SYT16: variants seen among roughly 807,000 people sequenced by gnomAD.
SYT16 encodes the protein synaptotagmin-16.
In SYT16, 42 loss-of-function variants were observed where a neutral mutation model predicts 61.4. That is an observed-to-expected ratio of 0.68 (90% CI 0.53 to 0.89). The LOEUF is 0.89. SYT16 is among the 40% of genes least tolerant of loss of function. The pLI is 0.00. For synonymous variants in SYT16, 314 were observed against 302.3 expected, an observed-to-expected ratio of 1.04 and a Z score of -0.40; for missense variants, 804 against 807.3, an observed-to-expected ratio of 1.00 and a Z score of 0.05.
At chr14:61,984,759 A>G (rs897925132) in intron 2 of SYT16, among the ~76,000 whole-genome samples, 1 of 152,196 alleles carries the variant, frequency 6.6e-6, no homozygotes, top group Admixed American at 6.6e-5. Context: ...AACTGAATAG[A>G]TACAATCTGT....
intron 3 of SYT16, among the ~76,000 whole-genome samples, chr14:62,014,351 T>G (rs2053582839): frequency 6.6e-6 from 1 of 152,154 alleles, no homozygotes; most frequent in African/African-American, 2.4e-5. Context: ...GCCTATATTT[T>G]GTTCAGTATA....
At chr14:61,907,397 C>T (rs1374149730) in intron 1 of SYT16, among the ~76,000 whole-genome samples, 1 of 152,144 alleles carries the variant, frequency 6.6e-6, no homozygotes, top group African/African-American at 2.4e-5. Context: ...CAAATTACCC[C>T]ACAAGTTGGC....
chr14:62,084,774 T>TA (rs1211391307), intron 7 of SYT16, among the ~76,000 whole-genome samples: 1 of 152,222 alleles, frequency 6.6e-6, no homozygotes, highest in Non-Finnish European at 1.5e-5. Context: ...ACCTACCACT[T>TA]AACCACTAGC....
chr14:62,045,065 G>A (rs946332399), intron 3 of SYT16, among the ~76,000 whole-genome samples: 1 of 152,106 alleles, frequency 6.6e-6, no homozygotes, highest in Non-Finnish European at 1.5e-5. Context: ...TTGAACCTTG[G>A]AGGCAGAGGT....
intron 1 of SYT16, among the ~76,000 whole-genome samples, chr14:61,849,183 A>G (rs745592688): frequency 7.9e-5 from 12 of 152,062 alleles, no homozygotes; most frequent in Non-Finnish European, 1.2e-4. Flanking sequence ...CTTGTATCCA[A>G]TTTGTAAGAC....
At chr14:62,027,936 G>A (rs2054164436) in intron 3 of SYT16, among the ~76,000 whole-genome samples, 1 of 152,154 alleles carries the variant, frequency 6.6e-6, no homozygotes, top group Non-Finnish European at 1.5e-5. Context: ...TTCACTGCTG[G>A]GGGTTGTGCC....
At chr14:61,843,552 T>C (rs1459418115) in intron 1 of SYT16, among the ~76,000 whole-genome samples, 1 of 152,214 alleles carries the variant, frequency 6.6e-6, no homozygotes, top group Non-Finnish European at 1.5e-5. Flanking sequence ...TAGATTTAAG[T>C]CTTTAATCTA....
chr14:61,903,955 G>A (rs1304340904), intron 1 of SYT16, among the ~76,000 whole-genome samples: 1 of 152,194 alleles, frequency 6.6e-6, no homozygotes, highest in Admixed American at 6.5e-5. Flanking sequence ...CAAGTCCTTC[G>A]AGGGTATCAA....
chr14:61,996,106 G>T lies in SYT16; in HGVS notation c.87G>T (p.Gln29His), dbSNP rs1280484797. 3 of 1,613,058 alleles carry T rather than the reference G, an allele frequency of 1.9e-6. No homozygotes were observed. The highest frequency in any genetic ancestry group is 1.7e-5 in the Admixed American group (1 of 59,866). ...TATCTCGGGTTTATGAAGCTCTCCA[G>T]CAAGCAGGAGATATGTTATCTGCTT... ...SWISRVYEAL[Q>H]QAGDMLSASL... The change falls in exon 3 of 8, where the codon CAG (glutamine) becomes CAT (histidine). Residue 29 changes from glutamine (Q) to histidine (H), a missense_variant. Coordinates refer to ENST00000683842, the MANE Select transcript of SYT16 (RefSeq NM_001367656.1).
chr14:61,878,261 C>T (rs1422919214), intron 1 of SYT16, among the ~76,000 whole-genome samples: 1 of 152,170 alleles, frequency 6.6e-6, no homozygotes, highest in Non-Finnish European at 1.5e-5. Flanking sequence ...ATGTTTTAAA[C>T]ATTTCTCCTA....
rs2057508476 is a variant in SYT16, at chr14:62,106,120, G to A, written c.*5413G>A. 6.6e-6 allele frequency: 1 copy of A among 152,148 alleles called. No homozygotes were observed. Among genetic ancestry groups the A allele is most frequent in the African/African-American group, 2.4e-5 (1 of 41,426 alleles). The allele number at this position is 152,148 out of a possible 1,614,324, so 9.4% of individuals were successfully genotyped here. A position where few individuals can be genotyped will look rare whatever the true frequency, so the allele number is the denominator to read the frequency against. On this transcript the variant is annotated 3_prime_UTR_variant, in exon 8 of 8. Transcript: ENST00000683842. ...AATCAAGTCTGGAGAATTATGTGAAGGTTGTTTCTCATTAATTCAAAATGT... is the reference window on the plus strand; with the variant it reads ...AATCAAGTCTGGAGAATTATGTGAAAGTTGTTTCTCATTAATTCAAAATGT...
intron 1 of SYT16, among the ~76,000 whole-genome samples, chr14:61,830,472 T>C (rs891373423): frequency 5.3e-5 from 8 of 152,228 alleles, no homozygotes; most frequent in African/African-American, 1.9e-4. Context: ...TAGAGTGTTA[T>C]CCATAGGTGA....
At chr14:61,829,050 T>C (rs1414427853) in intron 1 of SYT16, among the ~76,000 whole-genome samples, 3 of 152,232 alleles carry the variant, frequency 2.0e-5, no homozygotes, top group Non-Finnish European at 2.9e-5. Flanking sequence ...CTATTTTGCA[T>C]TGGAGAATAT....
chr14:62,023,622 G>A (rs943980218), intron 3 of SYT16, among the ~76,000 whole-genome samples: 2 of 152,194 alleles, frequency 1.3e-5, no homozygotes, highest in Non-Finnish European at 2.9e-5. Context: ...AAGTGAATGT[G>A]TAGATTACCT....
At chr14:61,870,163 C>CA (rs1429609615) in intron 1 of SYT16, among the ~76,000 whole-genome samples, 1 of 152,144 alleles carries the variant, frequency 6.6e-6, no homozygotes, top group Non-Finnish European at 1.5e-5. Context: ...CAATGATGCT[C>CA]ATGATATATT....
intron 3 of SYT16, among the ~76,000 whole-genome samples, chr14:62,008,602 A>G (rs939984288): frequency 2.0e-5 from 3 of 150,884 alleles, no homozygotes; most frequent in African/African-American, 7.3e-5. Flanking sequence ...TAAATTTGGA[A>G]ATTATGATTC....
intron 3 of SYT16, among the ~76,000 whole-genome samples, chr14:62,017,513 A>G (rs1022136158): frequency 2.6e-5 from 4 of 152,200 alleles, no homozygotes; most frequent in Admixed American, 1.3e-4. Flanking sequence ...GCTTTCCACA[A>G]TTATGCTTAT....
intron 5 of SYT16, among the ~76,000 whole-genome samples, chr14:62,078,558 G>A (rs7157419): frequency 0.17 from 25,516 of 152,164 alleles, 2,365 homozygotes; most frequent in Middle Eastern, 0.22. Flanking sequence ...CTTTGGGAGT[G>A]CAACCCCAGG....
intron 3 of SYT16, among the ~76,000 whole-genome samples, chr14:61,997,584 G>A (rs1030892446): frequency 1.3e-5 from 2 of 151,954 alleles, no homozygotes; most frequent in African/African-American, 4.8e-5. Flanking sequence ...TTCAAATTAA[G>A]GTAACATTGA....
Sources: gnomAD v4.1 joint callset for allele counts (sites outside exome capture counted in the v4.1 genomes callset) on GRCh38, gnomAD v4.1.1 for gene constraint, MANE v1.5 for transcripts, NCBI Gene and HGNC (gene_info 2026-07-23, HGNC 2026-07-21) for gene names.